Variants in FAT3 observed in about 807,000 individuals in gnomAD.
The protein encoded by FAT3 is FAT atypical cadherin 3.
A neutral mutation model predicts 310.2 loss-of-function variants in FAT3; 95 were observed. The observed-to-expected ratio is 0.31, with a 90% CI of 0.26 to 0.36. The LOEUF is 0.36. Among genes scored for constraint, FAT3 ranks in the 10% least tolerant of loss-of-function variants. The probability of loss-of-function intolerance (pLI) is 1.00; values close to 1 mark genes in which losing one functional copy is unlikely to be tolerated. For missense variants in FAT3, 5,408 were observed against 5,715.6 expected (o/e 0.95, Z 1.74); for synonymous variants, 2,314 against 2,192.9 (o/e 1.06, Z -1.54).
At chr11:92,403,003 C>T (rs1261753641) in intron 2 of FAT3, among the ~76,000 whole-genome samples, 1 of 152,176 alleles carries the variant, frequency 6.6e-6, no homozygotes, top group African/African-American at 2.4e-5. Context: ...CTCTCCCTTT[C>T]CACCTCCACC....
intron 2 of FAT3, among the ~76,000 whole-genome samples, chr11:92,411,479 G>A (rs1042750842): frequency 1.3e-5 from 2 of 152,060 alleles, no homozygotes; most frequent in African/African-American, 4.8e-5. Context: ...CCCACCACTT[G>A]TAAGAAATAC....
At chr11:92,826,401 GA>G (rs1217852588) in intron 13 of FAT3, among the ~76,000 whole-genome samples, 2 of 152,216 alleles carry the variant, frequency 1.3e-5, no homozygotes, top group African/African-American at 4.8e-5. Flanking sequence ...AAAGCCAGGA[GA>G]AAGTGTTGGC....
intron 4 of FAT3, among the ~76,000 whole-genome samples, chr11:92,746,329 AG>A (rs555510676): frequency 2.9e-4 from 44 of 152,346 alleles, no homozygotes; most frequent in Non-Finnish European, 5.4e-4. Flanking sequence ...AGCAGGCTAG[AG>A]GCTTGTGCAG....
chr11:92,805,079 A>G, intron 10 of FAT3, 74 bp from the exon 11 acceptor site: 1 of 1,481,762 alleles, frequency 6.7e-7, no homozygotes, highest in South Asian at 1.3e-5. Flanking sequence ...CTCCACATGC[A>G]CCTCTCAAGG....
intron 3 of FAT3, among the ~76,000 whole-genome samples, chr11:92,641,738 C>G (rs116742204): frequency 6.6e-6 from 1 of 152,246 alleles, no homozygotes; most frequent in Non-Finnish European, 1.5e-5. Flanking sequence ...ATCACATTCA[C>G]GTATTCCAAG....
chr11:92,544,134 C>A (rs189077304), intron 3 of FAT3, among the ~76,000 whole-genome samples: 14 of 152,160 alleles, frequency 9.2e-5, no homozygotes, highest in Admixed American at 4.6e-4. Flanking sequence ...ATTATTGGTT[C>A]TGTTTTGGGG....
chr11:92,825,834 A>C (rs1319586255), intron 13 of FAT3, among the ~76,000 whole-genome samples: 1 of 152,100 alleles, frequency 6.6e-6, no homozygotes, highest in Admixed American at 6.5e-5. Flanking sequence ...GAGTCCCTTA[A>C]GGCAGTCTAG....
At chr11:92,386,855 A>C (rs7108463) in intron 2 of FAT3, among the ~76,000 whole-genome samples, 4,803 of 152,280 alleles carry the variant, frequency 0.032, 227 homozygotes, top group African/African-American at 0.095. Context: ...CCACCACGTA[A>C]GTGGACTATA....
chr11:92,510,637 T>C (rs1953261083), intron 2 of FAT3, among the ~76,000 whole-genome samples: 1 of 152,214 alleles, frequency 6.6e-6, no homozygotes, highest in Admixed American at 6.5e-5. Flanking sequence ...CAGAACATCA[T>C]GGCCAAGGAG....
chr11:92,553,147 C>T (rs977256090), intron 3 of FAT3, among the ~76,000 whole-genome samples: 10 of 152,230 alleles, frequency 6.6e-5, no homozygotes, highest in Non-Finnish European at 1.3e-4. Context: ...AATATCACCA[C>T]CTTATGGCCT....
intron 3 of FAT3, among the ~76,000 whole-genome samples, chr11:92,585,258 A>G (rs1239762952): frequency 6.6e-6 from 1 of 152,046 alleles, no homozygotes; most frequent in Non-Finnish European, 1.5e-5. Context: ...ATTGGTGACT[A>G]TCAATTTAAT....
At chr11:92,539,634 G>A (rs1308849385) in intron 3 of FAT3, among the ~76,000 whole-genome samples, 2 of 152,114 alleles carry the variant, frequency 1.3e-5, no homozygotes, top group Admixed American at 6.6e-5. Flanking sequence ...AAAAACCTGT[G>A]TGTAAATGTG....
At chr11:92,537,656 A>G (rs531887) in intron 3 of FAT3, among the ~76,000 whole-genome samples, 57,701 of 152,008 alleles carry the variant, frequency 0.38, 11,862 homozygotes, top group Middle Eastern at 0.53. Context: ...ACTGACAGAC[A>G]GACAGACAAC....
At chr11:92,434,929 G>C (rs79936887) in intron 2 of FAT3, among the ~76,000 whole-genome samples, 4,593 of 152,250 alleles carry the variant, frequency 0.03, 242 homozygotes, top group African/African-American at 0.1. Flanking sequence ...ACTCCAATGG[G>C]AATGGAACCA....
At chr11:92,431,564 T>G (rs1295357424) in intron 2 of FAT3, among the ~76,000 whole-genome samples, 1 of 152,160 alleles carries the variant, frequency 6.6e-6, no homozygotes, top group African/African-American at 2.4e-5. Flanking sequence ...GCTTTTGGTG[T>G]TTTAGACATG....
chr11:92,805,665 A>G lies in FAT3; in HGVS notation c.9093+316A>G, dbSNP rs139037349. Among the ~76,000 whole-genome samples, 101 of 152,222 alleles carry G rather than the reference A, an allele frequency of 6.6e-4. No individual in the cohort carries two copies. The East Asian group carries it at 0.019, about 29-fold the overall frequency. On this transcript the variant is annotated intron_variant, in intron 11 of 27. Coordinates refer to ENST00000525166, the MANE Select transcript of FAT3 (RefSeq NM_001367949.2). ...TTATTCTGTTTAAATCACTGATATC[A>G]TAAAAGAGAAATGGACCACTCTACA...
At chr11:92,547,218 G>A (rs1037105972) in intron 3 of FAT3, among the ~76,000 whole-genome samples, 4 of 152,104 alleles carry the variant, frequency 2.6e-5, no homozygotes, top group African/African-American at 9.7e-5. Context: ...GGGGGCAGCC[G>A]CTATTTAATC....
intron 2 of FAT3, among the ~76,000 whole-genome samples, chr11:92,423,157 T>C (rs981530341): frequency 6.6e-6 from 1 of 152,132 alleles, no homozygotes; most frequent in African/African-American, 2.4e-5. Context: ...TCTCTTCCTG[T>C]CTTTAGTGTG....
chr11:92,742,035 T>C (rs1353912127), intron 4 of FAT3, among the ~76,000 whole-genome samples: 4 of 152,226 alleles, frequency 2.6e-5, no homozygotes, highest in South Asian at 4.1e-4. Flanking sequence ...GGAACTGATA[T>C]TAGCTCGGCA....
Sources: allele counts gnomAD v4.1 joint callset (sites outside exome capture counted in the v4.1 genomes callset), GRCh38; gene constraint gnomAD v4.1.1; transcripts MANE v1.5; gene names NCBI Gene and HGNC (gene_info 2026-07-23, HGNC 2026-07-21).